Variants in BCAR1 observed in about 807,000 individuals in gnomAD.
BCAR1 encodes BCAR1 scaffold protein, Cas family member, also known as breast cancer anti-estrogen resistance protein 1.
A neutral mutation model predicts 67.6 loss-of-function variants in BCAR1; 30 were observed. The ratio of observed to expected loss-of-function variants is 0.44; its 90% CI spans 0.33 to 0.60. BCAR1 has a LOEUF of 0.60. Ranked by LOEUF, BCAR1 falls within the 20% of genes least tolerant of loss-of-function variation. The pLI, the probability that BCAR1 is intolerant of heterozygous loss-of-function variation, is 0.02. For missense variants in BCAR1, 1,313 were observed against 1,222.3 expected (o/e 1.07, Z -1.11); for synonymous variants, 626 against 556.7 (o/e 1.12, Z -1.75).
At chr16:75,250,965 C>T in intron 1 of BCAR1, 6 of 985,664 alleles carry the variant, frequency 6.1e-6, no homozygotes, top group Non-Finnish European at 7.2e-6. Flanking sequence ...GCCGGGTGCT[C>T]CGGCTGCGCA....
At chr16:75,236,012 T>C (rs529427585) in intron 4 of BCAR1, 26 bp from the exon 5 acceptor site, 7 of 1,539,186 alleles carry the variant, frequency 4.5e-6, no homozygotes, top group East Asian at 2.4e-5. Context: ...TGGTCAAGAC[T>C]GTCCATCTGT....
At position 75,242,681 on chromosome 16, in the gene BCAR1, G is replaced by A. The variant is rs1229708508; in HGVS notation, c.422C>T (p.Pro141Leu). ...CGAGAAGGTGGATGTCTGCTTGGCT[G>A]GGGGAGACTGGAACTGAGGGCTGGG... ...PGPSPQFQSP[P>L]AKQTSTFSKQ... The change falls in exon 2 of 7, where the codon CCA (proline) becomes CTA (leucine). Residue 141 changes from proline to leucine, a missense_variant. Pro to Leu is a moderately conservative substitution (Grantham distance 98, BLOSUM62 -3). This residue lies in a region of BCAR1 where 1,272 missense variants were observed against 1,137.5 expected (regional missense o/e 1.12). Transcript: ENST00000162330. 1 of 1,536,986 alleles carries A rather than the reference G, an allele frequency of 6.5e-7. No individual in the cohort carries two copies. The highest frequency in any genetic ancestry group is 2.1e-5 in the Admixed American group (1 of 48,032).
At chr16:75,234,120 C>T (rs559405481) in intron 5 of BCAR1, among the ~76,000 whole-genome samples, 185 bp from the exon 6 acceptor site, 10 of 150,920 alleles carry the variant, frequency 6.6e-5, no homozygotes, top group South Asian at 2.1e-4. Context: ...CACAAGCACA[C>T]GTGAACACAC....
At chr16:75,252,176 G>A, upstream of BCAR1, 1 of 1,533,984 alleles carries the variant, frequency 6.5e-7, no homozygotes, top group African/African-American at 1.4e-5. Flanking sequence ...AGGAAATGAA[G>A]CCTCAAGCAG....
chr16:75,261,473 G>A (rs921305157), intron 1 of BCAR1, among the ~76,000 whole-genome samples: 1 of 152,242 alleles, frequency 6.6e-6, no homozygotes, highest in African/African-American at 2.4e-5. Context: ...TGCCTGCCCC[G>A]TGCTGGCCCG....
In BCAR1 at chr16:75,236,962, T is replaced by C. The variant is rs2077161683; in HGVS notation, c.832A>G (p.Asn278Asp). 8 of 1,610,456 alleles carry C rather than the reference T, an allele frequency of 5.0e-6. No individual in the cohort carries two copies. Among genetic ancestry groups the C allele is most frequent in the Non-Finnish European group, 6.8e-6 (8 of 1,178,416 alleles). ...ACCTCCAGCAACGGGTCTCGGCCAT[T>C]GGGACCCTTGACAGCCATGGGGGGT... Reference protein sequence around the residue: ...DTPPMAVKGPNGRDPLLEVYD... With the variant: ...DTPPMAVKGPDGRDPLLEVYD... Residue 278 changes from asparagine (N) to aspartate (D), a missense_variant, in exon 4 of 7, where the codon AAT becomes GAT. By Grantham distance (23) the Asn-to-Asp change is conservative. Around this residue, in one of 2 missense-constraint regions of BCAR1, gnomAD observed 1,272 missense variants for 1,137.5 expected, o/e 1.12. Transcript: ENST00000162330.
chr16:75,252,364 C>T (rs2077699756), upstream of BCAR1: 1 of 1,522,134 alleles, frequency 6.6e-7, no homozygotes, highest in Admixed American at 2.0e-5. Context: ...TGCTCCAACT[C>T]ATCTGCTTCA....
At chr16:75,262,970 G>A (rs1225758547) in intron 1 of BCAR1, among the ~76,000 whole-genome samples, 3 of 152,214 alleles carry the variant, frequency 2.0e-5, no homozygotes, top group African/African-American at 4.8e-5. Context: ...CATGCAGGAC[G>A]ATGCTTATTT....
At position 75,238,815 on chromosome 16, in the gene BCAR1, C is replaced by T. The variant is rs576524854; in HGVS notation, c.634-1471G>A. The T allele has an allele frequency of 3.3e-4, 324 of 985,430 alleles. No homozygotes were observed. The Middle Eastern group carries it at 9.4e-3, about 29-fold the overall frequency. The allele number at this position is 985,430 out of a possible 1,614,324, so 61.0% of individuals were successfully genotyped here. On this transcript the variant is annotated intron_variant, in intron 2 of 6. Transcript: ENST00000162330. ...AGGGACCTGCCAACAGCGGGGCAGG[C>T]GGGGCGGAGGGACGTGGCAGGTTGG... is the stretch of plus-strand genomic sequence containing the variant.
intron 1 of BCAR1, chr16:75,250,989 G>A (rs1259141906): frequency 2.8e-5 from 28 of 986,018 alleles, no homozygotes; most frequent in Non-Finnish European, 3.3e-5. Flanking sequence ...TTCCCCGCTG[G>A]CGCCACGCAC....
rs1192810983 is a variant in BCAR1, at chr16:75,263,103, A to C, written c.66+4812T>G. 10 of 704,554 alleles carry C rather than the reference A, an allele frequency of 1.4e-5. No individual in the cohort carries two copies. In the Admixed American group the frequency reaches 6.3e-4, roughly 44 times the overall value. 43.6% of individuals were successfully genotyped at this position (704,554 alleles called of 1,614,324 possible). A position where few individuals can be genotyped will look rare whatever the true frequency, so the allele number is the denominator to read the frequency against. On this transcript the variant is annotated intron_variant, in intron 1 of 6. Coordinates refer to the BCAR1 transcript ENST00000393422. ...AGGTCCTGAGCCCAGTGCCCAGCAC[A>C]CAGGGCGGCATCCCTGAAAGGAGCC...
At chr16:75,232,956 T>C (rs1201952567) in intron 6 of BCAR1, among the ~76,000 whole-genome samples, 3 of 151,324 alleles carry the variant, frequency 2.0e-5, no homozygotes, top group African/African-American at 4.9e-5. Flanking sequence ...TTTAAAATTA[T>C]CTTCATAATC....
chr16:75,232,504 C>A, intron 6 of BCAR1, among the ~76,000 whole-genome samples: 1 of 152,168 alleles, frequency 6.6e-6, no homozygotes, highest in Non-Finnish European at 1.5e-5. Context: ...ACTACGTGGC[C>A]TGGCTGGTCT....
rs2077565488 is a variant in BCAR1, at chr16:75,247,873, C to A, written c.12+3598G>T. The A allele has an allele frequency of 6.2e-6, 4 of 644,518 alleles. No individual in the cohort carries two copies. In the East Asian group the frequency reaches 1.1e-4, roughly 18 times the overall value. 39.9% of individuals were successfully genotyped at this position (644,518 alleles called of 1,614,324 possible). ...AGCTGGGAGAAAATGGCAAGAACTC[C>A]TGTTCTCTGCCCAAGACCCCAGGGT... On this transcript the variant is annotated intron_variant, in intron 1 of 6. Transcript: ENST00000162330.
At position 75,234,770 on chromosome 16, in the gene BCAR1, G is replaced by C. The variant is rs545047815; in HGVS notation, c.2010+119C>G. 4.2e-6 allele frequency: 6 copies of C among 1,429,708 alleles called. No individual in the cohort carries two copies. In the African/African-American group the frequency reaches 8.5e-5, roughly 20 times the overall value. The allele number at this position is 1,429,708 out of a possible 1,614,324, so 88.6% of individuals were successfully genotyped here. ...CCAATGTGGGGTGAGGGAGGTCAAA[G>C]TGAGAGGAGGGTGCAGGGCCTTGCC... On this transcript the variant is annotated intron_variant, in intron 5 of 6. Coordinates refer to ENST00000162330, the MANE Select transcript of BCAR1 (RefSeq NM_014567.5).
rs140556694 is a variant in BCAR1 at position 75,258,320 on chromosome 16, C to T, written c.66+9595G>A. Among the ~76,000 whole-genome samples the T allele has an allele frequency of 4.8e-3, 726 of 152,330 alleles. 5 individuals carry two copies. Among genetic ancestry groups the T allele is most frequent in the Middle Eastern group, 0.014 (4 of 294 alleles). On this transcript the variant is annotated intron_variant, in intron 1 of 6. Coordinates refer to the BCAR1 transcript ENST00000393422. ...ATCTTTCCTTGGAGTTCTGCTGCCC[C>T]CAGATCCACCCGCCAACACTGGAGG...
chr16:75,241,322 G>A (rs1446419067), intron 2 of BCAR1, among the ~76,000 whole-genome samples: 1 of 152,180 alleles, frequency 6.6e-6, no homozygotes, highest in Non-Finnish European at 1.5e-5. Flanking sequence ...GTGTGTTCGT[G>A]CATATGGTGT....
intron 2 of BCAR1, among the ~76,000 whole-genome samples, chr16:75,237,903 G>C (rs952506933): frequency 6.6e-6 from 1 of 152,214 alleles, no homozygotes; most frequent in African/African-American, 2.4e-5. Flanking sequence ...GACTCTGGAG[G>C]ACAGGGCCAG....
At chr16:75,258,147 G>A (rs912147567) in intron 1 of BCAR1, among the ~76,000 whole-genome samples, 14 of 152,192 alleles carry the variant, frequency 9.2e-5, no homozygotes, top group Non-Finnish European at 1.6e-4. Flanking sequence ...GCACCAGGGC[G>A]CACCTTCCCT....
Sources: gnomAD v4.1 joint callset for allele counts (sites outside exome capture counted in the v4.1 genomes callset) on GRCh38, gnomAD v4.1.1 for gene constraint, gnomAD v4.1.1 regional missense constraint, MANE v1.5 for transcripts, NCBI Gene and HGNC (gene_info 2026-07-23, HGNC 2026-07-21) for gene names.